NUP54: variants seen among roughly 807,000 people sequenced by gnomAD.
The protein encoded by NUP54 is nucleoporin 54, also known as nucleoporin p54.
Under a neutral mutation model 66.4 loss-of-function variants are expected in NUP54, and 27 were observed. The observed-to-expected ratio is 0.41, with a 90% CI of 0.30 to 0.56. The LOEUF is 0.56. Ranked by LOEUF, NUP54 falls within the 20% of genes least tolerant of loss-of-function variation. The probability of loss-of-function intolerance (pLI) is 0.34; values close to 1 mark genes in which losing one functional copy is unlikely to be tolerated. For missense variants in NUP54, 486 were observed against 596.3 expected (o/e 0.82, Z 1.93); for synonymous variants, 206 against 210.7 (o/e 0.98, Z 0.19).
chr4:76,135,206 GA>G (rs1227703559), intron 4 of NUP54, among the ~76,000 whole-genome samples: 6 of 152,078 alleles, frequency 3.9e-5, no homozygotes, highest in African/African-American at 1.4e-4. Context: ...AAAACTTTAT[GA>G]AACAGGGTTG....
intron 3 of NUP54, among the ~76,000 whole-genome samples, chr4:76,139,144 T>C (rs1731156762): frequency 6.6e-6 from 1 of 152,142 alleles, no homozygotes; most frequent in South Asian, 2.1e-4. Flanking sequence ...GAAATTTCAG[T>C]GTGATAGGGA....
chr4:76,147,787 G>C, intron 1 of NUP54: 2 of 480,704 alleles, frequency 4.2e-6, no homozygotes, highest in Non-Finnish European at 6.8e-6. Context: ...TAAGAAAGCA[G>C]AGTGGGGGTG....
chr4:76,140,285 GTTT>G (rs35963995), intron 3 of NUP54, among the ~76,000 whole-genome samples: 1 of 130,174 alleles, frequency 7.7e-6, no homozygotes, highest in Non-Finnish European at 1.6e-5. Context: ...TTTCTCTTTG[GTTT>G]TTTTTTTTTT....
chr4:76,130,781 T>G, intron 7 of NUP54, 32 bp from the exon 8 acceptor site: 1 of 1,384,252 alleles, frequency 7.2e-7, no homozygotes, highest in Non-Finnish European at 1.0e-6. Flanking sequence ...TTTTCAGACC[T>G]TAAGCCTATT....
chr4:76,136,395 T>C lies in NUP54; in HGVS notation c.313A>G (p.Ser105Gly). Residue 105 changes from serine (S) to glycine (G), a missense_variant, in exon 4 of 12, where the codon AGT (serine) becomes GGT (glycine). Coordinates refer to ENST00000264883, the MANE Select transcript of NUP54 (RefSeq NM_017426.4). ...QQQTTLGGLFSQPTQAPTQSN... is the reference protein window; with the variant it reads ...QQQTTLGGLFGQPTQAPTQSN... ...TGGGTAGGAGCTTGTGTAGGCTGAC[T>C]GAAGAGACCACCTAATGCTAAAAAT... The C allele has an allele frequency of 6.2e-7, 1 of 1,613,104 alleles. No homozygotes were observed. Among genetic ancestry groups the C allele is most frequent in the Non-Finnish European group, 8.5e-7 (1 of 1,179,468 alleles).
intron 3 of NUP54, among the ~76,000 whole-genome samples, chr4:76,138,959 A>C (rs974156800): frequency 2.0e-5 from 3 of 152,098 alleles, no homozygotes; most frequent in Non-Finnish European, 4.4e-5. Context: ...TAAAGATCAA[A>C]TTTTTTTTAA....
At chr4:76,125,019 G>T (rs1383314478) in intron 8 of NUP54, among the ~76,000 whole-genome samples, 1 of 152,132 alleles carries the variant, frequency 6.6e-6, no homozygotes, top group African/African-American at 2.4e-5. Context: ...GCTGGGCGTG[G>T]TGGCTCACAC....
chr4:76,118,963 G>A (rs536618206), intron 9 of NUP54, among the ~76,000 whole-genome samples: 44 of 152,020 alleles, frequency 2.9e-4, no homozygotes, highest in Admixed American at 5.2e-4. Context: ...CCTAGATCGC[G>A]CCACTGCACT....
Position 76,124,759 on chromosome 4 carries a change from G to C in NUP54, c.1057-3C>G. 3.3e-6 allele frequency: 2 copies of C among 604,294 alleles called. No individual in the cohort carries two copies. Among genetic ancestry groups the C allele is most frequent in the Non-Finnish European group, 5.4e-6 (2 of 372,622 alleles). The allele number at this position is 604,294 out of a possible 1,614,324, so 37.4% of individuals were successfully genotyped here. On this transcript the variant is annotated splice_polypyrimidine_tract_variant and splice_region_variant and intron_variant, in intron 8 of 11. Coordinates refer to ENST00000264883, the MANE Select transcript of NUP54 (RefSeq NM_017426.4). ...TCACTAATATCTTCAGATATGATCT[G>C]TTTAAAAAAAAATTGGGGGGGGGAG...
intron 3 of NUP54, among the ~76,000 whole-genome samples, chr4:76,142,692 A>C (rs1731313447): frequency 1.3e-5 from 2 of 152,364 alleles, no homozygotes; most frequent in Non-Finnish European, 2.9e-5. Flanking sequence ...ATGGTTAGTA[A>C]GGAAGCCATC....
At position 76,124,772 on chromosome 4, in the gene NUP54, T is replaced by A; in HGVS notation, c.1057-16A>T. 3.4e-5 allele frequency: 18 copies of A among 533,822 alleles called. No individual in the cohort carries two copies. The highest frequency in any genetic ancestry group is 1.6e-4 in the East Asian group (3 of 18,564). 33.1% of individuals were successfully genotyped at this position (533,822 alleles called of 1,614,324 possible). On this transcript the variant is annotated splice_polypyrimidine_tract_variant and intron_variant, in intron 8 of 11. Coordinates refer to ENST00000264883, the MANE Select transcript of NUP54 (RefSeq NM_017426.4). Reference sequence around the variant, plus strand: ...CAGATATGATCTGTTTAAAAAAAAATTGGGGGGGGGAGGGTTAATCAAATA... The same window carrying A: ...CAGATATGATCTGTTTAAAAAAAAAATGGGGGGGGGAGGGTTAATCAAATA...
chr4:76,129,575 G>A (rs1240004225), intron 8 of NUP54, among the ~76,000 whole-genome samples: 1 of 152,110 alleles, frequency 6.6e-6, no homozygotes, highest in Non-Finnish European at 1.5e-5. Flanking sequence ...TAAAACCTCA[G>A]CAAAGTTGGC....
chr4:76,143,158 A>AAT (rs1477058797), intron 3 of NUP54, among the ~76,000 whole-genome samples: 1 of 152,164 alleles, frequency 6.6e-6, no homozygotes, highest in Admixed American at 6.5e-5. Flanking sequence ...AAAACAACAA[A>AAT]ATATATATAT....
chr4:76,130,006 A>C (rs1364252779), intron 8 of NUP54, among the ~76,000 whole-genome samples: 3 of 62,604 alleles, frequency 4.8e-5, no homozygotes, highest in Admixed American at 5.1e-4. Context: ...TTTTTTGAGG[A>C]GTCTCACTCT....
intron 5 of NUP54, among the ~76,000 whole-genome samples, chr4:76,133,229 A>G (rs1201010782): frequency 6.6e-6 from 1 of 152,010 alleles, no homozygotes; most frequent in African/African-American, 2.4e-5. Context: ...GGAAAATAAG[A>G]AAGTTTTACT....
intron 1 of NUP54, among the ~76,000 whole-genome samples, chr4:76,145,311 C>T (rs1275965251): frequency 1.6e-5 from 2 of 122,078 alleles, no homozygotes; most frequent in Non-Finnish European, 3.3e-5. Context: ...GGGTGAGACT[C>T]CGTCTCAAAA....
intron 10 of NUP54, 73 bp from the exon 11 acceptor site, chr4:76,117,847 G>A (rs1730021330): frequency 1.5e-6 from 2 of 1,303,840 alleles, no homozygotes; most frequent in South Asian, 2.5e-5. Context: ...CTTCTGAAAG[G>A]ATGGTTTCAA....
chr4:76,119,497 GCTGGAATTACAGGTGCTCA>G (rs926399901), intron 9 of NUP54, among the ~76,000 whole-genome samples: 1 of 151,530 alleles, frequency 6.6e-6, no homozygotes, highest in Non-Finnish European at 1.5e-5. Flanking sequence ...CTCCCAAGTA[GCTGGAATTACAGGTGCTCA>G]CCACCATGCC....
intron 5 of NUP54, 149 bp from the exon 6 acceptor site, chr4:76,132,868 T>C: frequency 1.5e-6 from 1 of 650,542 alleles, no homozygotes; most frequent in Non-Finnish European, 2.5e-6. Context: ...TCCTTTTTTT[T>C]TTTTTTTGAG....
Sources: allele counts gnomAD v4.1 joint callset (sites outside exome capture counted in the v4.1 genomes callset), GRCh38; gene constraint gnomAD v4.1.1; transcripts MANE v1.5; gene names NCBI Gene and HGNC (gene_info 2026-07-23, HGNC 2026-07-21).